Variants in PCDH15 observed in about 807,000 individuals in gnomAD.
PCDH15 encodes protocadherin-15.
PCDH15 carries 129 observed loss-of-function variants against 178.5 expected under a neutral mutation model. The ratio of observed to expected loss-of-function variants is 0.72; its 90% CI spans 0.63 to 0.84. The LOEUF is 0.84. Ranked by LOEUF, PCDH15 falls within the 40% of genes least tolerant of loss-of-function variation. The pLI is 0.00. For synonymous variants in PCDH15, 800 were observed against 732.0 expected (o/e 1.09, Z -1.50); for missense variants, 2,230 against 2,099.9 (o/e 1.06, Z -1.21).
Position 54,631,718 on chromosome 10 carries a change from TCA to T in PCDH15, c.91+32452_91+32453del, listed in dbSNP as rs747196016. Among the ~76,000 whole-genome samples, 42 of 152,234 alleles carry T rather than the reference TCA, an allele frequency of 2.8e-4. 1 individual carries two copies. In the East Asian group the frequency reaches 2.9e-3, roughly 11 times the overall value. ...TATAAATGAAAAAGGTTTAATTAAC[TCA>T]CAATTCAGCATAGCTGGGGAGGCTT... On this transcript the variant is annotated intron_variant, in intron 2 of 37. Transcript: ENST00000644397.
chr10:55,165,621 T>C (rs762225169), intron 2 of PCDH15, among the ~76,000 whole-genome samples: 11 of 152,004 alleles, frequency 7.2e-5, no homozygotes, highest in Non-Finnish European at 1.6e-4. Context: ...GCCACAGCTT[T>C]ATGATAAATG....
intron 3 of PCDH15, among the ~76,000 whole-genome samples, chr10:54,400,131 A>G (rs1345277489): frequency 1.3e-5 from 2 of 152,130 alleles, no homozygotes; most frequent in South Asian, 2.1e-4. Flanking sequence ...TTTCTAGCCA[A>G]ACTTAGAAGT....
At chr10:54,013,772 T>C (rs2092659919) in intron 20 of PCDH15, among the ~76,000 whole-genome samples, 1 of 152,116 alleles carries the variant, frequency 6.6e-6, no homozygotes, top group Admixed American at 6.6e-5. Flanking sequence ...GAAAGAAGTT[T>C]ATAGCACTAA....
intron 1 of PCDH15, among the ~76,000 whole-genome samples, chr10:55,204,699 T>C (rs1554840692): frequency 6.6e-6 from 1 of 152,060 alleles, no homozygotes; most frequent in Admixed American, 6.5e-5. Flanking sequence ...GACTCCAACA[T>C]ACACTGCAAA....
rs551836917 is a variant in PCDH15, at chr10:55,143,182, G to A, written c.-80+23394C>T. The stretch of plus-strand genomic sequence containing the variant: ...TTTCCTGTGACCCCCTAGCCATATT[G>A]AACTCTGAGTCAATTAAACCTTTTT... On this transcript the variant is annotated intron_variant, in intron 2 of 5. Coordinates refer to the PCDH15 transcript ENST00000458638. Among the ~76,000 whole-genome samples the A allele has an allele frequency of 3.5e-5, 5 of 142,216 alleles. No homozygotes were observed. The South Asian group carries it at 1.2e-3, about 34-fold the overall frequency. 93.3% of individuals were successfully genotyped at this position (142,216 alleles called of 152,430 possible). A position where few individuals can be genotyped will look rare whatever the true frequency, so the allele number is the denominator to read the frequency against.
chr10:55,524,643 G>A (rs985974896), intron 2 of PCDH15, among the ~76,000 whole-genome samples: 21 of 151,366 alleles, frequency 1.4e-4, no homozygotes, highest in African/African-American at 4.8e-4. Context: ...CATATCACTT[G>A]TAAATATCCA....
At chr10:54,948,029 C>T (rs1334653027) in intron 2 of PCDH15, among the ~76,000 whole-genome samples, 2 of 151,750 alleles carry the variant, frequency 1.3e-5, no homozygotes, top group African/African-American at 2.4e-5. Flanking sequence ...ATTTGTGCAA[C>T]CAGGATGTAG....
chr10:55,386,862 A>G (rs1371930306), intron 2 of PCDH15, among the ~76,000 whole-genome samples: 2 of 152,110 alleles, frequency 1.3e-5, no homozygotes, highest in South Asian at 4.1e-4. Flanking sequence ...TTTTGGAGCG[A>G]TTTCTAAGAT....
At chr10:55,484,095 C>A (rs1840245262) in intron 2 of PCDH15, among the ~76,000 whole-genome samples, 1 of 151,632 alleles carries the variant, frequency 6.6e-6, no homozygotes, top group African/African-American at 2.4e-5. Context: ...CATGATGAGA[C>A]ACATGGACAC....
chr10:53,880,698 T>C (rs945132713), intron 26 of PCDH15, among the ~76,000 whole-genome samples: 2 of 152,160 alleles, frequency 1.3e-5, no homozygotes, highest in East Asian at 1.9e-4. Flanking sequence ...AATAAATTTA[T>C]AATTTTCAAA....
At chr10:55,378,897 C>G (rs1370197468) in intron 2 of PCDH15, among the ~76,000 whole-genome samples, 1 of 151,514 alleles carries the variant, frequency 6.6e-6, no homozygotes, top group Non-Finnish European at 1.5e-5. Flanking sequence ...CTCTCTCTCT[C>G]TCTCTCTCTC....
At chr10:55,190,007 T>C (rs1839900751) in intron 1 of PCDH15, among the ~76,000 whole-genome samples, 1 of 151,718 alleles carries the variant, frequency 6.6e-6, no homozygotes, top group South Asian at 2.1e-4. Flanking sequence ...AATGGAAAAT[T>C]ATCCAAGTAC....
At chr10:55,334,133 T>G (rs1165842496) in intron 2 of PCDH15, among the ~76,000 whole-genome samples, 1 of 149,700 alleles carries the variant, frequency 6.7e-6, no homozygotes, top group Non-Finnish European at 1.5e-5. Context: ...TGCACATATG[T>G]AGCAGTTGAA....
At chr10:55,128,136 C>T (rs957983837) in intron 2 of PCDH15, among the ~76,000 whole-genome samples, 3 of 151,962 alleles carry the variant, frequency 2.0e-5, no homozygotes, top group African/African-American at 7.2e-5. Context: ...CATACCTTGC[C>T]CTTGAAAGAT....
chr10:55,457,658 T>C (rs552985643), intron 2 of PCDH15, among the ~76,000 whole-genome samples: 1 of 152,042 alleles, frequency 6.6e-6, no homozygotes, highest in East Asian at 1.9e-4. Context: ...GTGGATGACC[T>C]GGTACCAAGA....
intron 2 of PCDH15, among the ~76,000 whole-genome samples, chr10:55,549,988 A>C (rs1841972053): frequency 1.3e-5 from 2 of 151,990 alleles, no homozygotes; most frequent in South Asian, 4.1e-4. Context: ...CCTTTCTCTA[A>C]GACTCAATGA....
intron 3 of PCDH15, among the ~76,000 whole-genome samples, chr10:54,870,308 A>AT (rs1954013290): frequency 1.3e-5 from 2 of 152,162 alleles, no homozygotes; most frequent in African/African-American, 2.4e-5. Context: ...GAAATCTGAG[A>AT]TTTTAACAGG....
chr10:55,080,923 AG>A (rs1233712625), intron 2 of PCDH15, among the ~76,000 whole-genome samples: 1 of 152,158 alleles, frequency 6.6e-6, no homozygotes, highest in African/African-American at 2.4e-5. Context: ...CTGCTGTAGC[AG>A]TATGCAGAAA....
chr10:55,574,035 C>CA (rs35293866), intron 2 of PCDH15, among the ~76,000 whole-genome samples: 8 of 151,642 alleles, frequency 5.3e-5, no homozygotes, highest in Admixed American at 1.3e-4. Context: ...TTTATTGTCA[C>CA]AAAAAAACCA....
Sources: gnomAD v4.1 joint callset for allele counts (sites outside exome capture counted in the v4.1 genomes callset) on GRCh38, gnomAD v4.1.1 for gene constraint, MANE v1.5 for transcripts, NCBI Gene and HGNC (gene_info 2026-07-23, HGNC 2026-07-21) for gene names.